NEBL: variants seen among roughly 807,000 people sequenced by gnomAD.
NEBL encodes the protein LIM and SH3 protein 2.
In NEBL, 122 loss-of-function variants were observed where a neutral mutation model predicts 140.2. The observed-to-expected ratio is 0.87, with a 90% confidence interval of 0.75 to 1.01. The LOEUF is 1.01. Ranked by LOEUF, NEBL falls within the 50% of genes least tolerant of loss-of-function variation. The pLI is 0.00. For synonymous variants in NEBL, 436 were observed against 398.9 expected, an observed-to-expected ratio of 1.09 and a Z score of -1.11; for missense variants, 1,365 against 1,231.3, an observed-to-expected ratio of 1.11 and a Z score of -1.62.
chr10:20,914,481 A>T (rs536769168), intron 4 of NEBL, among the ~76,000 whole-genome samples: 2 of 152,352 alleles, frequency 1.3e-5, no homozygotes, highest in South Asian at 4.1e-4. Context: ...AAACATTCCT[A>T]ATACAATATT....
chr10:20,787,392 G>A (rs1588590881), intron 26 of NEBL, 84 bp from the exon 27 acceptor site: 1 of 1,074,670 alleles, frequency 9.3e-7, no homozygotes, highest in East Asian at 2.5e-5. Context: ...GTGATGTTAT[G>A]CTCTGCTAGA....
intron 1 of NEBL, among the ~76,000 whole-genome samples, chr10:21,255,118 C>T (rs1466652710): frequency 1.3e-5 from 2 of 152,128 alleles, no homozygotes; most frequent in African/African-American, 4.8e-5. Context: ...GAAGATGGTT[C>T]GCCCAGGAGC....
Position 20,913,259 on chromosome 10 carries a change from T to C in NEBL, c.357+48413A>G, listed in dbSNP as rs541323919. Among the ~76,000 whole-genome samples, 37 of 152,274 alleles carry C rather than the reference T, an allele frequency of 2.4e-4. No homozygotes were observed. The South Asian group carries it at 7.5e-3, about 31-fold the overall frequency. On this transcript the variant is annotated intron_variant, in intron 4 of 6. Transcript: ENST00000417816. ...CTAGAGTAAGTGAAGAGAACAATTT[T>C]GAAAGGCACCTGCTGAAGAAAAGCA...
rs774127072 is a variant in NEBL, at chr10:21,126,702, G to A, written c.164+45681C>T. 4.0e-4 allele frequency among the ~76,000 whole-genome samples: 61 copies of A among 152,092 alleles called. 1 individual carries two copies. Among genetic ancestry groups the A allele is most frequent in the African/African-American group, 1.3e-3 (56 of 41,516 alleles). ...AAGAAGCCTCCACTGGGCCAGGTGC[G>A]GTGGCTCATGCCTGTAATCCCAGCA... is the stretch of plus-strand genomic sequence containing the variant. On this transcript the variant is annotated intron_variant, in intron 2 of 6. Transcript: ENST00000417816.
At chr10:20,905,800 C>T (rs1020841920) in intron 4 of NEBL, among the ~76,000 whole-genome samples, 3 of 152,172 alleles carry the variant, frequency 2.0e-5, no homozygotes, top group African/African-American at 7.2e-5. Context: ...AGGAGAGGAG[C>T]TGAGGACCCT....
chr10:20,951,436 G>A, intron 4 of NEBL, among the ~76,000 whole-genome samples: 1 of 148,856 alleles, frequency 6.7e-6, no homozygotes, highest in African/African-American at 2.5e-5. Context: ...AATCCTTCCA[G>A]GAAAATGCAA....
At chr10:21,012,045 G>C (rs1190470449) in intron 3 of NEBL, among the ~76,000 whole-genome samples, 1 of 152,206 alleles carries the variant, frequency 6.6e-6, no homozygotes, top group Non-Finnish European at 1.5e-5. Context: ...CATTTTGTGG[G>C]GTGGTTTTCT....
chr10:21,170,851 T>G (rs1841040654), intron 2 of NEBL: 1 of 152,360 alleles, frequency 6.6e-6, no homozygotes, highest in East Asian at 1.9e-4. Context: ...TATGATAACA[T>G]ACTGTCAGTA....
intron 2 of NEBL, among the ~76,000 whole-genome samples, chr10:21,108,225 G>C (rs998867452): frequency 5.9e-5 from 9 of 152,056 alleles, no homozygotes; most frequent in African/African-American, 2.2e-4. Context: ...GTTTGCTCTT[G>C]CTTCTCTAGT....
At chr10:21,270,520 C>T (rs1842849355) in intron 1 of NEBL, among the ~76,000 whole-genome samples, 1 of 152,190 alleles carries the variant, frequency 6.6e-6, no homozygotes, top group African/African-American at 2.4e-5. Flanking sequence ...GTGTGCGCCA[C>T]CACACTCAGC....
At chr10:21,061,112 T>C (rs530488844) in intron 2 of NEBL, among the ~76,000 whole-genome samples, 1 of 151,932 alleles carries the variant, frequency 6.6e-6, no homozygotes, top group Admixed American at 6.6e-5. Flanking sequence ...ACAACTGGTG[T>C]CCTCATAAAA....
At chr10:21,015,730 G>A (rs1165915501) in intron 3 of NEBL, among the ~76,000 whole-genome samples, 1 of 152,100 alleles carries the variant, frequency 6.6e-6, no homozygotes, top group Non-Finnish European at 1.5e-5. Flanking sequence ...CCAGACTGAT[G>A]TCAAACTCCT....
chr10:21,290,281 G>A (rs1843124424), intron 1 of NEBL, among the ~76,000 whole-genome samples: 2 of 152,200 alleles, frequency 1.3e-5, no homozygotes, highest in Non-Finnish European at 2.9e-5. Context: ...TTGGGGCTCA[G>A]AGCACTGCAA....
intron 3 of NEBL, among the ~76,000 whole-genome samples, chr10:21,011,645 CTGGCATCTGT>C (rs1482373370): frequency 2.0e-5 from 3 of 150,152 alleles, no homozygotes; most frequent in South Asian, 2.1e-4. Flanking sequence ...GCATCTGTGG[CTGGCATCTGT>C]TGGCATCTGT....
Position 20,785,375 on chromosome 10 carries a change from G to A in NEBL, c.*372C>T. The A allele has an allele frequency of 3.4e-6, 1 of 295,374 alleles. No homozygotes were observed. Among genetic ancestry groups the A allele is most frequent in the Non-Finnish European group, 6.6e-6 (1 of 152,296 alleles). The allele number at this position is 295,374 out of a possible 1,614,324, so 18.3% of individuals were successfully genotyped here. A position where few individuals can be genotyped will look rare whatever the true frequency, so the allele number is the denominator to read the frequency against. ...TTACAGAGTTAAGAGAATTGGCTTG[G>A]GGTGATTCCAAAGTGACAGCTAAGA... On this transcript the variant is annotated 3_prime_UTR_variant, in exon 28 of 28. Transcript: ENST00000377122.
chr10:21,206,272 G>C (rs771147062), intron 3 of NEBL, among the ~76,000 whole-genome samples: 154 of 152,284 alleles, frequency 1.0e-3, no homozygotes, highest in Middle Eastern at 3.4e-3. Flanking sequence ...AAGAATTAAA[G>C]CAAATGTATA....
At chr10:20,815,498 G>A (rs1483596702) in intron 22 of NEBL, 127 bp downstream of exon 22, 5 of 763,318 alleles carry the variant, frequency 6.6e-6, no homozygotes. Context: ...AATAACACAT[G>A]TACTTATTGG....
chr10:20,889,297 C>A (rs1487249552), intron 3 of NEBL, among the ~76,000 whole-genome samples: 1 of 152,168 alleles, frequency 6.6e-6, no homozygotes, highest in African/African-American at 2.4e-5. Flanking sequence ...AAAGAAACTA[C>A]ATAATTTTTC....
Position 20,817,067 on chromosome 10 carries a change from A to C in NEBL, c.2148+533T>G, listed in dbSNP as rs568227666. On this transcript the variant is annotated intron_variant, in intron 21 of 27. Transcript: ENST00000377122. ...CCCATCAGCTAGATGACAAGATAGAAGGGATACACAACAACCTGTCAAAAA... is the reference window on the plus strand; with the variant it reads ...CCCATCAGCTAGATGACAAGATAGACGGGATACACAACAACCTGTCAAAAA... Among the ~76,000 whole-genome samples the C allele has an allele frequency of 6.0e-4, 92 of 152,234 alleles. 4 individuals carry two copies. The highest frequency in any genetic ancestry group is 4.6e-3 in the Admixed American group (70 of 15,280).
Sources: gnomAD v4.1 joint callset for allele counts (sites outside exome capture counted in the v4.1 genomes callset) on GRCh38, gnomAD v4.1.1 for gene constraint, MANE v1.5 for transcripts, NCBI Gene and HGNC (gene_info 2026-07-23, HGNC 2026-07-21) for gene names.